PPARGC1A: variants seen among roughly 807,000 people sequenced by gnomAD.
PPARGC1A encodes the protein PPARG coactivator 1 alpha.
In PPARGC1A, 25 loss-of-function variants were observed where a neutral mutation model predicts 88.7. The ratio of observed to expected loss-of-function variants is 0.28; its 90% CI spans 0.21 to 0.39. The LOEUF is 0.39. Among genes scored for constraint, PPARGC1A ranks in the 10% least tolerant of loss-of-function variants. The pLI is 1.00. For missense variants in PPARGC1A, 880 were observed against 968.7 expected, an observed-to-expected ratio of 0.91 and a Z score of 1.22; for synonymous variants, 363 against 355.6, an observed-to-expected ratio of 1.02 and a Z score of -0.24.
At chr4:23,996,972 A>T in the PPARGC1A span, among the ~76,000 whole-genome samples, 2 of 152,194 alleles carry the variant, frequency 1.3e-5, no homozygotes, top group African/African-American at 4.8e-5. Context: ...TTTGGTGTTC[A>T]TTAAGACTCA....
At chr4:24,111,713 T>C in the PPARGC1A span, among the ~76,000 whole-genome samples, 4 of 152,186 alleles carry the variant, frequency 2.6e-5, no homozygotes, top group Non-Finnish European at 5.9e-5. Flanking sequence ...AAGAAGCTAA[T>C]TGCATGCTTA....
the PPARGC1A span, among the ~76,000 whole-genome samples, chr4:24,122,425 A>G: frequency 2.4e-3 from 342 of 139,984 alleles, 5 homozygotes; most frequent in East Asian, 0.044. Context: ...GCATATATAT[A>G]TATATATATA....
the PPARGC1A span, among the ~76,000 whole-genome samples, chr4:24,171,254 A>G: frequency 6.6e-6 from 1 of 151,884 alleles, no homozygotes; most frequent in Admixed American, 6.6e-5. Context: ...AAAAATACAA[A>G]AAGTAGCTGG....
chr4:24,241,779 G>A, the PPARGC1A span, among the ~76,000 whole-genome samples: 1 of 152,216 alleles, frequency 6.6e-6, no homozygotes, highest in Non-Finnish European at 1.5e-5. Context: ...GGGGGAAACA[G>A]TGTTTTATAA....
At chr4:23,806,327 G>T (rs976898351) in intron 10 of PPARGC1A, among the ~76,000 whole-genome samples, 31 of 152,126 alleles carry the variant, frequency 2.0e-4, no homozygotes, top group Admixed American at 1.8e-3. Flanking sequence ...GTCTAGCAAA[G>T]AACTGATTCT....
At chr4:23,926,225 T>C in the PPARGC1A span, among the ~76,000 whole-genome samples, 1 of 152,170 alleles carries the variant, frequency 6.6e-6, no homozygotes, top group South Asian at 2.1e-4. Flanking sequence ...CAGAGACAGC[T>C]GGGTACTCAC....
At chr4:24,258,108 G>T in the PPARGC1A span, 7 of 491,752 alleles carry the variant, frequency 1.4e-5, no homozygotes, top group African/African-American at 1.3e-4. Flanking sequence ...TGTGAAACTT[G>T]GTGTTACAGA....
chr4:24,253,491 G>A, the PPARGC1A span, among the ~76,000 whole-genome samples: 2 of 152,202 alleles, frequency 1.3e-5, no homozygotes, highest in East Asian at 1.9e-4. Flanking sequence ...GGTATGCAGA[G>A]TGTTTCTTGT....
chr4:24,161,979 C>T, the PPARGC1A span, among the ~76,000 whole-genome samples: 4 of 145,890 alleles, frequency 2.7e-5, no homozygotes, highest in African/African-American at 1.0e-4. Context: ...CACACACACA[C>T]ACACACACAC....
chr4:24,360,691 G>T, the PPARGC1A span, among the ~76,000 whole-genome samples: 2 of 152,172 alleles, frequency 1.3e-5, no homozygotes, highest in African/African-American at 4.8e-5. Flanking sequence ...GTGTTGCAGA[G>T]CAGTGCCTGA....
chr4:24,310,774 C>T, the PPARGC1A span, among the ~76,000 whole-genome samples: 1 of 152,136 alleles, frequency 6.6e-6, no homozygotes, highest in African/African-American at 2.4e-5. Flanking sequence ...ACATAAAATT[C>T]ACAATATCTG....
At chr4:24,198,919 T>C in the PPARGC1A span, among the ~76,000 whole-genome samples, 3 of 152,278 alleles carry the variant, frequency 2.0e-5, no homozygotes, top group South Asian at 2.1e-4. Flanking sequence ...GTGCCAGAGA[T>C]GAGAAGTTGT....
chr4:24,289,935 G>T, the PPARGC1A span, among the ~76,000 whole-genome samples: 1 of 152,182 alleles, frequency 6.6e-6, no homozygotes, highest in South Asian at 2.1e-4. Context: ...CATGGCTGGG[G>T]GGGCCTCCCA....
the PPARGC1A span, among the ~76,000 whole-genome samples, chr4:24,152,996 T>C: frequency 6.6e-6 from 1 of 152,208 alleles, no homozygotes; most frequent in Non-Finnish European, 1.5e-5. Flanking sequence ...CAAACACAAT[T>C]GATGAATTCG....
At chr4:24,394,796 A>G in the PPARGC1A span, among the ~76,000 whole-genome samples, 1 of 152,348 alleles carries the variant, frequency 6.6e-6, no homozygotes, top group African/African-American at 2.4e-5. Context: ...AAATGATGAT[A>G]CACCATCACT....
the PPARGC1A span, among the ~76,000 whole-genome samples, chr4:24,463,207 C>T: frequency 1.3e-5 from 2 of 152,262 alleles, no homozygotes; most frequent in Middle Eastern, 6.8e-3. Context: ...TATTTCTTTG[C>T]ATATTAACTT....
the PPARGC1A span, among the ~76,000 whole-genome samples, chr4:24,105,611 G>A: frequency 1.3e-5 from 2 of 152,140 alleles, no homozygotes; most frequent in African/African-American, 4.8e-5. Flanking sequence ...GCTCCTCCAT[G>A]ATGCCTATGT....
chr4:23,974,799 A>ATTTTTTTTTTTTTTTTTT, the PPARGC1A span, among the ~76,000 whole-genome samples: 330 of 61,112 alleles, frequency 5.4e-3, 15 homozygotes, highest in Non-Finnish European at 7.3e-3. Context: ...GGCCCGGCTA[A>ATTTTTTTTTTTTTTTTTT]TTTTTTTTTT....
At chr4:24,059,383 G>C in the PPARGC1A span, among the ~76,000 whole-genome samples, 1 of 152,136 alleles carries the variant, frequency 6.6e-6, no homozygotes, top group Non-Finnish European at 1.5e-5. Flanking sequence ...GAGGATTAAT[G>C]CTCACCCAAG....
Sources: gnomAD v4.1 joint callset for allele counts (sites outside exome capture counted in the v4.1 genomes callset) on GRCh38, gnomAD v4.1.1 for gene constraint, MANE v1.5 for transcripts, NCBI Gene and HGNC (gene_info 2026-07-23, HGNC 2026-07-21) for gene names.